SHANK2: variants seen among roughly 807,000 people sequenced by gnomAD.
SHANK2 encodes SH3 and multiple ankyrin repeat domains 2, also known as SH3 and multiple ankyrin repeat domains protein 2.
In SHANK2, 43 loss-of-function variants were observed where a neutral mutation model predicts 133.7. The ratio of observed to expected loss-of-function variants is 0.32; its 90% CI spans 0.25 to 0.41. The LOEUF is 0.41. SHANK2 is among the 10% of genes least tolerant of loss of function. SHANK2 has a pLI of 1.00. For synonymous variants in SHANK2, 1,017 were observed against 952.8 expected (o/e 1.07, Z -1.24); for missense variants, 1,994 against 2,235.8 (o/e 0.89, Z 2.18).
intron 17 of SHANK2, among the ~76,000 whole-genome samples, chr11:70,636,420 T>G (rs2061086627): frequency 6.6e-6 from 1 of 152,218 alleles, no homozygotes; most frequent in African/African-American, 2.4e-5. Context: ...TGTGAGCATG[T>G]GTGCAAGTGT....
chr11:70,653,795 A>C (rs374346731), intron 17 of SHANK2, among the ~76,000 whole-genome samples: 58 of 152,212 alleles, frequency 3.8e-4, no homozygotes, highest in Middle Eastern at 6.8e-3. Flanking sequence ...CACCATGCCC[A>C]GCTAATTTTT....
At chr11:70,477,810 G>A (rs528163707) in intron 25 of SHANK2, among the ~76,000 whole-genome samples, 99 of 152,306 alleles carry the variant, frequency 6.5e-4, no homozygotes, top group African/African-American at 2.2e-3. Flanking sequence ...TGGGCTGCCC[G>A]CCCTGCCCTC....
intron 12 of SHANK2, among the ~76,000 whole-genome samples, chr11:70,813,061 G>A (rs1948312170): frequency 6.6e-6 from 1 of 152,050 alleles, no homozygotes; most frequent in African/African-American, 2.4e-5. Context: ...TCTGCGGGTG[G>A]GCTGTGAGCC....
chr11:70,751,219 C>T (rs1414203684), intron 14 of SHANK2, among the ~76,000 whole-genome samples: 2 of 152,130 alleles, frequency 1.3e-5, no homozygotes, highest in African/African-American at 4.8e-5. Flanking sequence ...AAATCCATTC[C>T]CAGACACGTC....
Position 70,538,034 on chromosome 11 carries a change from G to A in SHANK2, c.2062-35103C>T, listed in dbSNP as rs782686012. On this transcript the variant is annotated intron_variant, in intron 17 of 25. Coordinates refer to ENST00000601538, the MANE Select transcript of SHANK2 (RefSeq NM_012309.5). ...GTAGCTCACTCACTTGCAGAGGGGC[G>A]TTACCCTTGAACACTCGTGACCATC... 5.7e-4 allele frequency among the ~76,000 whole-genome samples: 87 copies of A among 152,188 alleles called. 1 individual carries two copies. The highest frequency in any genetic ancestry group is 1.6e-3 in the African/African-American group (67 of 41,448).
intron 17 of SHANK2, among the ~76,000 whole-genome samples, chr11:70,649,838 A>G (rs562759286): frequency 2.0e-4 from 31 of 152,204 alleles, no homozygotes; most frequent in Non-Finnish European, 4.0e-4. Flanking sequence ...ATGATCTGGG[A>G]CTTACCTGGA....
intron 6 of SHANK2, 145 bp from the exon 7 acceptor site, chr11:71,094,833 C>A: frequency 1.1e-6 from 1 of 918,494 alleles, no homozygotes; most frequent in Non-Finnish European, 1.6e-6. Context: ...ACCTGGGAAC[C>A]CCAAGAGTCC....
At chr11:70,508,747 GGT>G (rs1214305715) in intron 17 of SHANK2, among the ~76,000 whole-genome samples, 3 of 152,174 alleles carry the variant, frequency 2.0e-5, no homozygotes, top group Admixed American at 2.0e-4. Flanking sequence ...AAGTTAGCCA[GGT>G]GTACTGGTGT....
chr11:70,886,115 C>T (rs1215140104), intron 11 of SHANK2, among the ~76,000 whole-genome samples: 1 of 152,112 alleles, frequency 6.6e-6, no homozygotes, highest in Non-Finnish European at 1.5e-5. Flanking sequence ...GACCGGAAAC[C>T]ACACGCAGAC....
intron 17 of SHANK2, among the ~76,000 whole-genome samples, chr11:70,527,904 C>G (rs1045087228): frequency 1.3e-5 from 2 of 152,354 alleles, no homozygotes; most frequent in Admixed American, 6.5e-5. Flanking sequence ...CTTCACCGGG[C>G]GACCCAGACC....
chr11:71,175,554 GAGAGA>G lies in SHANK2; in HGVS notation c.-12-28221_-12-28217del, dbSNP rs1565496306. ...ACAGACAGAGGGAGAGGGAGAGGGAGAGAGAGAGAGAGAGAGAGAGAGAGAGAGAG... is the reference window on the plus strand; with the variant it reads ...ACAGACAGAGGGAGAGGGAGAGGGAGGAGAGAGAGAGAGAGAGAGAGAGAG... On this transcript the variant is annotated intron_variant, in intron 2 of 25. Coordinates refer to ENST00000601538, the MANE Select transcript of SHANK2 (RefSeq NM_012309.5). This position sits in a 1 kb window ranked among gnomAD's most constrained non-coding sequence, Gnocchi z 4.2. 1.1e-3 allele frequency among the ~76,000 whole-genome samples: 60 copies of G among 53,288 alleles called. No homozygotes were observed. The highest frequency in any genetic ancestry group is 0.01 in the Middle Eastern group (1 of 96). 35.0% of individuals were successfully genotyped at this position (53,288 alleles called of 152,430 possible).
intron 11 of SHANK2, among the ~76,000 whole-genome samples, chr11:70,829,597 C>T (rs937474110): frequency 4.0e-5 from 6 of 149,474 alleles, no homozygotes; most frequent in Admixed American, 2.0e-4. Context: ...GCCTGCTTCT[C>T]AGCCTGTGCA....
intron 2 of SHANK2, among the ~76,000 whole-genome samples, chr11:71,196,856 G>T (rs1705784847): frequency 6.6e-6 from 1 of 151,954 alleles, no homozygotes. Flanking sequence ...AAGTTAGCTG[G>T]GCATGGTGGC....
intron 17 of SHANK2, among the ~76,000 whole-genome samples, chr11:70,623,624 A>C (rs1554998768): frequency 6.6e-6 from 1 of 152,208 alleles, no homozygotes; most frequent in Admixed American, 6.5e-5. Flanking sequence ...GGTGGTTTTC[A>C]TCAAATGGGA....
At chr11:70,797,173 A>G (rs762976875) in intron 14 of SHANK2, among the ~76,000 whole-genome samples, 1 of 152,092 alleles carries the variant, frequency 6.6e-6, no homozygotes, top group Non-Finnish European at 1.5e-5. Flanking sequence ...CTTGAAGCTC[A>G]CTTTTGCTTT....
intron 8 of SHANK2, among the ~76,000 whole-genome samples, chr11:71,081,155 C>T (rs990433731): frequency 1.2e-4 from 18 of 152,232 alleles, no homozygotes; most frequent in Admixed American, 6.5e-4. Context: ...CACAGAGGGA[C>T]GACCCTGTGA....
At chr11:70,718,494 G>T (rs1174621719) in intron 14 of SHANK2, among the ~76,000 whole-genome samples, 1 of 152,174 alleles carries the variant, frequency 6.6e-6, no homozygotes, top group African/African-American at 2.4e-5. Context: ...CCATGGACAT[G>T]CTGCAGATTC....
At chr11:71,061,692 A>G (rs1950988012) in intron 9 of SHANK2, among the ~76,000 whole-genome samples, 1 of 152,162 alleles carries the variant, frequency 6.6e-6, no homozygotes. Context: ...TCCCAGGCAC[A>G]TGGGCCCATC....
chr11:70,623,209 T>C (rs2060855575), intron 17 of SHANK2, among the ~76,000 whole-genome samples: 1 of 151,740 alleles, frequency 6.6e-6, no homozygotes, highest in Non-Finnish European at 1.5e-5. Context: ...CTCCACATCC[T>C]GTGGGGCCTG....
Sources: gnomAD v4.1 joint callset for allele counts (sites outside exome capture counted in the v4.1 genomes callset) on GRCh38, gnomAD v4.1.1 for gene constraint, Gnocchi (gnomAD v3.1) non-coding constraint, MANE v1.5 for transcripts, NCBI Gene and HGNC (gene_info 2026-07-23, HGNC 2026-07-21) for gene names.